Variants in RPS6KA6 observed in about 807,000 individuals in gnomAD.
The protein encoded by RPS6KA6 is ribosomal protein S6 kinase alpha-6.
Under a neutral mutation model 65.4 loss-of-function variants are expected in RPS6KA6, and 27 were observed. The observed-to-expected ratio is 0.41, with a 90% CI of 0.30 to 0.57. The LOEUF is 0.57. RPS6KA6 is among the 20% of genes least tolerant of loss of function. The probability of loss-of-function intolerance (pLI) is 0.24; values close to 1 mark genes in which losing one functional copy is unlikely to be tolerated. For synonymous variants in RPS6KA6, 190 were observed against 184.2 expected, an observed-to-expected ratio of 1.03 and a Z score of -0.26; for missense variants, 486 against 555.6, an observed-to-expected ratio of 0.87 and a Z score of 1.26.
At chrX:84,137,845 T>A (rs992679489) in intron 6 of RPS6KA6, among the ~76,000 whole-genome samples, 8 of 111,974 alleles carry the variant, frequency 7.1e-5, no homozygotes, top group Non-Finnish European at 1.5e-4. Flanking sequence ...CAGTTTTCTA[T>A]CATATTAGCT....
chrX:84,184,487 T>C (rs2035901280), intron 1 of RPS6KA6, among the ~76,000 whole-genome samples: 2 of 111,785 alleles, frequency 1.8e-5, no homozygotes, highest in Admixed American at 1.9e-4. Flanking sequence ...TTCTCCAACT[T>C]ATAGACAAAG....
Position 84,178,494 on chromosome X carries a change from A to G in RPS6KA6, c.81+9325T>C, listed in dbSNP as rs2035801849. ...TTTTTAACAAAGAATATTTCACTAA[A>G]CCCAATACAGAAACAACCTCAAGAA... On this transcript the variant is annotated intron_variant, in intron 1 of 21. Coordinates refer to ENST00000262752, the MANE Select transcript of RPS6KA6 (RefSeq NM_014496.5). Among the ~76,000 whole-genome samples, 5 of 112,069 alleles carry G rather than the reference A, an allele frequency of 4.5e-5. No homozygotes were observed. The South Asian group carries it at 1.8e-3, about 41-fold the overall frequency.
intron 20 of RPS6KA6, among the ~76,000 whole-genome samples, chrX:84,094,677 C>T (rs1051239484): frequency 9.1e-6 from 1 of 109,700 alleles, no homozygotes; most frequent in Non-Finnish European, 1.9e-5. Context: ...TAAATAAATA[C>T]ATAAATAAAT....
chrX:84,135,056 C>T, intron 7 of RPS6KA6, 48 bp downstream of exon 7: 1 of 896,574 alleles, frequency 1.1e-6, no homozygotes, highest in South Asian at 2.1e-5. Context: ...TGACAAAAAG[C>T]AGTTCCAGAA....
intron 6 of RPS6KA6, among the ~76,000 whole-genome samples, chrX:84,138,909 A>T (rs1205178567): frequency 9.0e-6 from 1 of 110,840 alleles, no homozygotes; most frequent in Non-Finnish European, 1.9e-5. Context: ...ATACATTATA[A>T]AATTCTTTAA....
intron 18 of RPS6KA6, among the ~76,000 whole-genome samples, chrX:84,101,818 G>C (rs2034264707): frequency 9.0e-6 from 1 of 110,666 alleles, no homozygotes; most frequent in Non-Finnish European, 1.9e-5. Flanking sequence ...CAACAGAATA[G>C]AATAGCCTGA....
At chrX:84,116,160 C>A in intron 12 of RPS6KA6, 69 bp downstream of exon 12, 1 of 586,468 alleles carries the variant, frequency 1.7e-6, no homozygotes, top group East Asian at 3.7e-5. Context: ...AGATTAAAAG[C>A]AATAAATCTT....
In RPS6KA6 at chrX:84,107,032, C is replaced by T. The variant is rs1288271564; in HGVS notation, c.1120G>A (p.Gly374Ser). Reference protein sequence around the residue: ...FTAKTPKDSPGLPASANAHQL... With the variant: ...FTAKTPKDSPSLPASANAHQL... The stretch of plus-strand genomic sequence containing the variant: ...TGAGCATTTGCACTGGCTGGCAAAC[C>T]GGGAGAATCTAATGTCCAAATAATT... Residue 374 changes from glycine to serine, a missense_variant, in exon 14 of 22, where the codon GGT (glycine) becomes AGT (serine). Gly to Ser is a moderately conservative substitution (Grantham distance 56). Coordinates refer to ENST00000262752, the MANE Select transcript of RPS6KA6 (RefSeq NM_014496.5). 5 of 1,192,716 alleles carry T rather than the reference C, an allele frequency of 4.2e-6. No individual in the cohort carries two copies. The Admixed American group carries it at 9.1e-5, about 22-fold the overall frequency.
At chrX:84,141,300 A>C (rs1223023716) in intron 6 of RPS6KA6, among the ~76,000 whole-genome samples, 1 of 110,437 alleles carries the variant, frequency 9.1e-6, no homozygotes, top group African/African-American at 3.3e-5. Flanking sequence ...TATTTTCCTG[A>C]CCTCTGAGTT....
intron 17 of RPS6KA6, among the ~76,000 whole-genome samples, chrX:84,103,629 A>C (rs758948240): frequency 5.4e-5 from 6 of 111,366 alleles, no homozygotes; most frequent in Admixed American, 4.8e-4. Flanking sequence ...ACAATAATAA[A>C]GAAGAGACGC....
chrX:84,067,771 C>CACTAAGAT (rs1454279424), intron 20 of RPS6KA6, among the ~76,000 whole-genome samples: 1 of 111,146 alleles, frequency 9.0e-6, no homozygotes, highest in African/African-American at 3.3e-5. Flanking sequence ...CAGAGAACAC[C>CACTAAGAT]ACTAAGATAC....
chrX:84,059,563 A>G lies in RPS6KA6; in HGVS notation c.*4714T>C, dbSNP rs1258485250. The G allele has an allele frequency of 8.9e-6, 1 of 112,483 alleles. No individual in the cohort carries two copies. Among genetic ancestry groups the G allele is most frequent in the Non-Finnish European group, 1.9e-5 (1 of 53,332 alleles). 9.3% of individuals were successfully genotyped at this position (112,483 alleles called of 1,213,427 possible). A position where few individuals can be genotyped will look rare whatever the true frequency, so the allele number is the denominator to read the frequency against. On this transcript the variant is annotated 3_prime_UTR_variant, in exon 22 of 22. Coordinates refer to ENST00000262752, the MANE Select transcript of RPS6KA6 (RefSeq NM_014496.5). The stretch of plus-strand genomic sequence containing the variant: ...GGAAAGAGAAAGAAAATGTGACCTG[A>G]GCAATATTAGTTCATAGGAAAGATA...
intron 1 of RPS6KA6, among the ~76,000 whole-genome samples, chrX:84,171,070 AACC>A (rs1409835254): frequency 9.0e-6 from 1 of 111,460 alleles, no homozygotes; most frequent in Non-Finnish European, 1.9e-5. Context: ...TCAGTCCTGC[AACC>A]ACAAGGAAAG....
chrX:84,119,837 T>C (rs2034636324), intron 9 of RPS6KA6, 48 bp downstream of exon 9: 3 of 1,018,714 alleles, frequency 2.9e-6, no homozygotes, highest in Non-Finnish European at 3.9e-6. Context: ...AAATTATAAG[T>C]AATATCAATC....
chrX:84,096,625 CAT>C (rs1489342732), intron 19 of RPS6KA6, among the ~76,000 whole-genome samples: 1 of 111,515 alleles, frequency 9.0e-6, no homozygotes, highest in Non-Finnish European at 1.9e-5. Context: ...CTAAAACACA[CAT>C]ATTCAAGGCA....
At chrX:84,074,235 T>A (rs192008020) in intron 20 of RPS6KA6, among the ~76,000 whole-genome samples, 2 of 111,691 alleles carry the variant, frequency 1.8e-5, no homozygotes, top group East Asian at 5.7e-4. Context: ...CTGGAAGACA[T>A]TATGTTAAAG....
intron 19 of RPS6KA6, 44 bp downstream of exon 19, chrX:84,097,728 A>C (rs2034184103): frequency 1.2e-6 from 1 of 834,869 alleles, no homozygotes; most frequent in African/African-American, 2.0e-5. Context: ...ATACAGATGA[A>C]ATTCAAATAA....
intron 12 of RPS6KA6, among the ~76,000 whole-genome samples, chrX:84,108,760 G>T (rs1377584567): frequency 9.0e-6 from 1 of 111,711 alleles, no homozygotes; most frequent in Non-Finnish European, 1.9e-5. Flanking sequence ...GAGCAGCCTG[G>T]CGCCGGCTGC....
chrX:84,082,940 A>G (rs1429540482), intron 20 of RPS6KA6, among the ~76,000 whole-genome samples: 1 of 112,368 alleles, frequency 8.9e-6, no homozygotes, highest in African/African-American at 3.2e-5. Context: ...TTACACAAAA[A>G]TTAACTCAAG....
Sources: allele counts gnomAD v4.1 joint callset (sites outside exome capture counted in the v4.1 genomes callset), GRCh38; gene constraint gnomAD v4.1.1; transcripts MANE v1.5; gene names NCBI Gene and HGNC (gene_info 2026-07-23, HGNC 2026-07-21).